Variants in GIGYF2 observed in about 807,000 individuals in gnomAD.
GIGYF2 encodes GRB10 interacting GYF protein 2.
In GIGYF2, 25 loss-of-function variants were observed where a neutral mutation model predicts 208.1. The ratio of observed to expected loss-of-function variants is 0.12; its 90% CI spans 0.09 to 0.17. GIGYF2 has a LOEUF of 0.17. Ranked by LOEUF, GIGYF2 falls within the 10% of genes least tolerant of loss-of-function variation. The pLI is 1.00. For missense variants in GIGYF2, 1,302 were observed against 1,579.4 expected, an observed-to-expected ratio of 0.82 and a Z score of 2.98; for synonymous variants, 534 against 543.8, an observed-to-expected ratio of 0.98 and a Z score of 0.25.
At chr2:232,755,023 G>GT (rs2106320023) in intron 5 of GIGYF2, among the ~76,000 whole-genome samples, 3 of 152,210 alleles carry the variant, frequency 2.0e-5, no homozygotes, top group African/African-American at 7.2e-5. Context: ...GAAAGTAGAA[G>GT]TTTTTTAACG....
chr2:232,761,625 T>G (rs1036846946), intron 8 of GIGYF2, 189 bp downstream of exon 8: 68 of 522,386 alleles, frequency 1.3e-4, no homozygotes, highest in Non-Finnish European at 1.9e-4. Context: ...GTCTGTGTGT[T>G]CTCTGCAAGG....
chr2:232,831,546 A>T (rs1701425476), intron 21 of GIGYF2, among the ~76,000 whole-genome samples: 1 of 152,254 alleles, frequency 6.6e-6, no homozygotes, highest in Non-Finnish European at 1.5e-5. Context: ...CGCCATCATT[A>T]GGATACTTTC....
At chr2:232,853,861 C>T (rs1398731854) in intron 28 of GIGYF2, among the ~76,000 whole-genome samples, 1 of 152,128 alleles carries the variant, frequency 6.6e-6, no homozygotes, top group Non-Finnish European at 1.5e-5. Context: ...GGCATTCAGC[C>T]AAAGGATGAA....
At chr2:232,741,286 G>C (rs1697959172) in intron 3 of GIGYF2, among the ~76,000 whole-genome samples, 1 of 152,192 alleles carries the variant, frequency 6.6e-6, no homozygotes, top group Admixed American at 6.5e-5. Flanking sequence ...CCTATATCGG[G>C]TCTGTCACAA....
At chr2:232,809,365 T>G (rs1460101416) in intron 15 of GIGYF2, among the ~76,000 whole-genome samples, 1 of 152,252 alleles carries the variant, frequency 6.6e-6, no homozygotes, top group African/African-American at 2.4e-5. Context: ...CTGTGTTATA[T>G]CCAGTTTCTC....
Position 232,733,243 on chromosome 2 carries a change from C to T in GIGYF2, c.-43-1912C>T, listed in dbSNP as rs549707950. On this transcript the variant is annotated intron_variant, in intron 2 of 28. Transcript: ENST00000373563. Reference sequence around the variant, plus strand: ...CTGTACTCCAGCCTGGGCGACAGAGCGAGACTCTTGTCTCAAAAAAAAAAA... The same window carrying T: ...CTGTACTCCAGCCTGGGCGACAGAGTGAGACTCTTGTCTCAAAAAAAAAAA... Among the ~76,000 whole-genome samples the T allele has an allele frequency of 2.2e-3, 302 of 134,380 alleles. 1 individual carries two copies. The highest frequency in any genetic ancestry group is 8.1e-3 in the African/African-American group (286 of 35,128). The allele number at this position is 134,380 out of a possible 152,430, so 88.2% of individuals were successfully genotyped here.
At chr2:232,790,636 T>C (rs1700041547) in intron 9 of GIGYF2, 62 bp from the exon 10 acceptor site, 1 of 1,337,884 alleles carries the variant, frequency 7.5e-7, no homozygotes, top group Non-Finnish European at 1.1e-6. Flanking sequence ...CTATTCCTGA[T>C]TTTCTTATTC....
rs1448086673 is a variant in GIGYF2 at position 232,857,888 on chromosome 2, G to A, written c.*1028G>A. On this transcript the variant is annotated 3_prime_UTR_variant, in exon 29 of 29. Transcript: ENST00000373563. ...TGCTGTAGCCCGGAAAAGGTTTTGT[G>A]TAAAGATTCTGGGATGGCAAGTTGT... The A allele has an allele frequency of 3.3e-5, 5 of 152,686 alleles. No individual in the cohort carries two copies. The highest frequency in any genetic ancestry group is 7.3e-5 in the Non-Finnish European group (5 of 68,104). 9.5% of individuals were successfully genotyped at this position (152,686 alleles called of 1,614,324 possible). A position where few individuals can be genotyped will look rare whatever the true frequency, so the allele number is the denominator to read the frequency against.
At chr2:232,812,143 C>T (rs1700751964) in intron 17 of GIGYF2, among the ~76,000 whole-genome samples, 1 of 152,018 alleles carries the variant, frequency 6.6e-6, no homozygotes, top group Non-Finnish European at 1.5e-5. Flanking sequence ...TATAGATATA[C>T]AGTGGGTATA....
At chr2:232,725,640 AT>A (rs1440720497) in intron 2 of GIGYF2, among the ~76,000 whole-genome samples, 1 of 152,260 alleles carries the variant, frequency 6.6e-6, no homozygotes, top group African/African-American at 2.4e-5. Context: ...CTTCAGTGTT[AT>A]GCTTCTCATT....
At chr2:232,779,127 C>T (rs1176677867) in intron 8 of GIGYF2, among the ~76,000 whole-genome samples, 1 of 152,098 alleles carries the variant, frequency 6.6e-6, no homozygotes, top group African/African-American at 2.4e-5. Context: ...CCACCTTCAC[C>T]CAGAAACTCA....
chr2:232,779,888 G>A (rs999236438), intron 8 of GIGYF2, among the ~76,000 whole-genome samples: 2 of 152,144 alleles, frequency 1.3e-5, no homozygotes, highest in Admixed American at 1.3e-4. Context: ...GAGAGGGGTG[G>A]TAAATATCAA....
chr2:232,844,124 G>A lies in GIGYF2; in HGVS notation c.2968G>A (p.Gly990Arg). 1 of 1,593,834 alleles carries A rather than the reference G, an allele frequency of 6.3e-7. No individual in the cohort carries two copies. Among genetic ancestry groups the A allele is most frequent in the Non-Finnish European group, 8.6e-7 (1 of 1,168,324 alleles). The change falls in exon 24 of 29, where the codon GGG (glycine) becomes AGG (arginine). Residue 990 changes from glycine (G) to arginine (R), a missense_variant. By Grantham distance (125) the Gly-to-Arg change is moderately radical. Transcript: ENST00000373563. The stretch of plus-strand genomic sequence containing the variant: ...GCAACAGCAGAAACTCTCAGGTTGG[G>A]GGAATGTCAGCAAACCTTCAGGTAC... ...QQQQQKLSGW[G>R]NVSKPSGTTK...
rs55893272 is a variant in GIGYF2, at chr2:232,711,705, G to GTATATATATA, written c.-44+8229_-44+8238dup. ...GAAGGAAAATTATCCTCACAATGAT[G>GTATATATATA]TATATATATATATATATATATAGTT... On this transcript the variant is annotated intron_variant, in intron 2 of 28. Transcript: ENST00000373563. Among the ~76,000 whole-genome samples, 487 of 115,738 alleles carry GTATATATATA rather than the reference G, an allele frequency of 4.2e-3. 21 individuals carry two copies. Among genetic ancestry groups the GTATATATATA allele is most frequent in the Middle Eastern group, 0.014 (3 of 210 alleles). 75.9% of individuals were successfully genotyped at this position (115,738 alleles called of 152,430 possible).
At chr2:232,804,108 AT>A (rs869197984) in intron 14 of GIGYF2, among the ~76,000 whole-genome samples, 21 of 151,506 alleles carry the variant, frequency 1.4e-4, no homozygotes, top group Non-Finnish European at 2.1e-4. Context: ...TTTTAAAAAA[AT>A]TTTTTTTTAG....
chr2:232,768,872 T>C, intron 8 of GIGYF2: 1 of 1,425,084 alleles, frequency 7.0e-7, no homozygotes, highest in South Asian at 1.2e-5. Flanking sequence ...CAATACTTTT[T>C]CTGAATGACA....
Position 232,791,501 on chromosome 2 carries a change from T to C in GIGYF2, c.1282+55T>C. On this transcript the variant is annotated intron_variant, in intron 12 of 28. Coordinates refer to ENST00000373563, the MANE Select transcript of GIGYF2 (RefSeq NM_001103146.3). ...AATAGGATTCTGCTGAGGCCAGTGATCACTGATAAGTTAGGCTTCTGCTTA... is the reference window on the plus strand; with the variant it reads ...AATAGGATTCTGCTGAGGCCAGTGACCACTGATAAGTTAGGCTTCTGCTTA... 6 of 1,473,842 alleles carry C rather than the reference T, an allele frequency of 4.1e-6. No homozygotes were observed. In the South Asian group the frequency reaches 5.9e-5, roughly 14 times the overall value. The allele number at this position is 1,473,842 out of a possible 1,614,324, so 91.3% of individuals were successfully genotyped here. A position where few individuals can be genotyped will look rare whatever the true frequency, so the allele number is the denominator to read the frequency against.
Position 232,728,544 on chromosome 2 carries a change from A to G in GIGYF2, c.-43-6611A>G, listed in dbSNP as rs530665047. ...AGGCTTTTGAGACTGGCTGACCAGT[A>G]AACTGAAAACAGTAGTGCCTTGATG... On this transcript the variant is annotated intron_variant, in intron 2 of 28. Transcript: ENST00000373563. 2.0e-5 allele frequency among the ~76,000 whole-genome samples: 3 copies of G among 152,350 alleles called. No homozygotes were observed. In the South Asian group the frequency reaches 6.2e-4, roughly 32 times the overall value.
At chr2:232,802,898 A>T (rs1375596684) in intron 14 of GIGYF2, among the ~76,000 whole-genome samples, 2 of 143,762 alleles carry the variant, frequency 1.4e-5, no homozygotes, top group East Asian at 4.1e-4. Flanking sequence ...TTGTCCAGAG[A>T]TTTTTTTTTT....
Sources: gnomAD v4.1 joint callset for allele counts (sites outside exome capture counted in the v4.1 genomes callset) on GRCh38, gnomAD v4.1.1 for gene constraint, MANE v1.5 for transcripts, NCBI Gene and HGNC (gene_info 2026-07-23, HGNC 2026-07-21) for gene names.